DMD: variants seen among roughly 807,000 people sequenced by gnomAD.
The protein encoded by DMD is dystrophin.
A neutral mutation model predicts 330.1 loss-of-function variants in DMD; 63 were observed. That is an observed-to-expected ratio of 0.19 (90% confidence interval 0.16 to 0.24). The LOEUF (loss-of-function observed/expected upper bound fraction) is 0.24. DMD is among the 10% of genes least tolerant of loss of function. The pLI, the probability that DMD is intolerant of heterozygous loss-of-function variation, is 1.00. For missense variants in DMD, 3,344 were observed against 2,684.1 expected (o/e 1.25, Z -5.43); for synonymous variants, 1,223 against 959.8 (o/e 1.27, Z -5.07).
chrX:32,993,378 C>T (rs1162344722), intron 2 of DMD, among the ~76,000 whole-genome samples: 8 of 110,190 alleles, frequency 7.3e-5, no homozygotes, highest in African/African-American at 2.0e-4. Flanking sequence ...CTGAGGCGGG[C>T]GGACTGCCTG....
chrX:33,233,279 G>A (rs150614123), intron 1 of DMD, among the ~76,000 whole-genome samples: 1 of 111,029 alleles, frequency 9.0e-6, no homozygotes, highest in African/African-American at 3.3e-5. Flanking sequence ...AGTCCAAAAA[G>A]TGCACTCCTG....
intron 30 of DMD, among the ~76,000 whole-genome samples, chrX:32,404,794 T>C (rs762136081): frequency 1.8e-5 from 2 of 112,058 alleles, no homozygotes; most frequent in East Asian, 5.6e-4. Flanking sequence ...AAGAGCCATA[T>C]GCAAGTTAAT....
intron 62 of DMD, among the ~76,000 whole-genome samples, chrX:31,268,087 C>T (rs1767442187): frequency 8.9e-6 from 1 of 111,961 alleles, no homozygotes; most frequent in African/African-American, 3.3e-5. Flanking sequence ...ATGGGGGTCT[C>T]ACTGTGTTGC....
chrX:32,669,958 T>C (rs1288760257), intron 9 of DMD, among the ~76,000 whole-genome samples: 1 of 111,263 alleles, frequency 9.0e-6, no homozygotes, highest in Non-Finnish European at 1.9e-5. Flanking sequence ...AAACGAACAG[T>C]CACAAAATGA....
At chrX:32,758,607 A>G (rs755339221) in intron 7 of DMD, among the ~76,000 whole-genome samples, 5 of 111,636 alleles carry the variant, frequency 4.5e-5, no homozygotes, top group Admixed American at 9.6e-5. Context: ...CAAGCCCCTT[A>G]ACTGTCAGTG....
chrX:31,600,873 G>A (rs1043308898), intron 55 of DMD, among the ~76,000 whole-genome samples: 1 of 107,897 alleles, frequency 9.3e-6, no homozygotes, highest in Admixed American at 1.0e-4. Flanking sequence ...AGGTCTAGGA[G>A]AGGTGACAGC....
intron 43 of DMD, among the ~76,000 whole-genome samples, chrX:32,271,961 TTGAG>T (rs921538698): frequency 4.5e-5 from 5 of 111,406 alleles, no homozygotes; most frequent in African/African-American, 1.6e-4. Context: ...ATTACAGCTT[TTGAG>T]TGAGAAGCTT....
chrX:31,608,418 C>A (rs931149743), intron 55 of DMD, among the ~76,000 whole-genome samples: 5 of 111,252 alleles, frequency 4.5e-5, no homozygotes, highest in African/African-American at 1.6e-4. Context: ...CATCACTAGA[C>A]AAGGGAACAT....
At chrX:32,492,874 C>A (rs1030656717) in intron 19 of DMD, among the ~76,000 whole-genome samples, 2 of 111,725 alleles carry the variant, frequency 1.8e-5, no homozygotes, top group East Asian at 5.6e-4. Flanking sequence ...CTACAGAGAT[C>A]TCAAAAGAAC....
chrX:31,180,407 T>C lies in DMD; in HGVS notation c.10049A>G (p.His3350Arg), dbSNP rs1423991647. The C allele has an allele frequency of 8.3e-7, 1 of 1,210,723 alleles. No homozygotes were observed. The highest frequency in any genetic ancestry group is 1.1e-6 in the Non-Finnish European group (1 of 894,454). Residue 3350 changes from histidine to arginine, a missense_variant, in exon 69 of 79, where the codon CAT becomes CGT. His to Arg is a conservative substitution (Grantham distance 29). Coordinates refer to ENST00000357033, the MANE Select transcript of DMD (RefSeq NM_004006.3). The stretch of plus-strand genomic sequence containing the variant: ...TTCCACCATGGGATAGTGCATTTTA[T>C]GGCCTTTTGCAACTCGACCAGAAAA... The part of the protein sequence containing the change: ...CFFSGRVAKG[H>R]KMHYPMVEYC...
intron 63 of DMD, among the ~76,000 whole-genome samples, chrX:31,245,031 G>A (rs1378555991): frequency 9.0e-6 from 1 of 111,693 alleles, no homozygotes; most frequent in Non-Finnish European, 1.9e-5. Context: ...TGTGTTCAGT[G>A]TTTCCTTTCT....
intron 60 of DMD, among the ~76,000 whole-genome samples, chrX:31,367,384 A>G (rs766354772): frequency 5.7e-4 from 64 of 111,556 alleles, no homozygotes; most frequent in African/African-American, 2.0e-3. Flanking sequence ...GATATGCAAT[A>G]TAATTTTGAA....
At chrX:31,645,594 G>A (rs182787928) in intron 54 of DMD, among the ~76,000 whole-genome samples, 3 of 112,422 alleles carry the variant, frequency 2.7e-5, no homozygotes, top group South Asian at 3.7e-4. Context: ...GGTAACTCAC[G>A]GTGAGATGAT....
chrX:32,188,082 T>C (rs1280957695), intron 44 of DMD, among the ~76,000 whole-genome samples: 1 of 110,935 alleles, frequency 9.0e-6, no homozygotes, highest in Non-Finnish European at 1.9e-5. Context: ...ATCTATATTA[T>C]GTAGATGTGT....
At chrX:32,349,879 A>G (rs970665962) in intron 37 of DMD, among the ~76,000 whole-genome samples, 2 of 111,686 alleles carry the variant, frequency 1.8e-5, no homozygotes, top group Admixed American at 1.9e-4. Flanking sequence ...TGGTAGTGGT[A>G]CAAACATGCT....
intron 55 of DMD, among the ~76,000 whole-genome samples, chrX:31,522,264 C>A (rs2072833479): frequency 9.6e-6 from 1 of 104,415 alleles, no homozygotes; most frequent in Admixed American, 1.0e-4. Flanking sequence ...AGCTAAGTAA[C>A]TCCGGAGGGA....
chrX:31,581,946 A>G (rs758238083), intron 55 of DMD, among the ~76,000 whole-genome samples: 51 of 111,914 alleles, frequency 4.6e-4, no homozygotes, highest in Middle Eastern at 4.7e-3. Context: ...TAAGCACTGT[A>G]TCTTTACATA....
At chrX:32,291,017 T>TAGGTAACACACACGCAA (rs2097465454) in intron 42 of DMD, among the ~76,000 whole-genome samples, 1 of 111,478 alleles carries the variant, frequency 9.0e-6, no homozygotes, top group Admixed American at 9.6e-5. Flanking sequence ...TTAGAGCTAG[T>TAGGTAACACACACGCAA]AGGTAACACA....
At chrX:32,859,383 G>A (rs779470907) in intron 2 of DMD, among the ~76,000 whole-genome samples, 1 of 107,494 alleles carries the variant, frequency 9.3e-6, no homozygotes, top group East Asian at 3.0e-4. Flanking sequence ...CAGGAGAATC[G>A]CTAGAACTAG....
Sources: gnomAD v4.1 joint callset for allele counts (sites outside exome capture counted in the v4.1 genomes callset) on GRCh38, gnomAD v4.1.1 for gene constraint, MANE v1.5 for transcripts, NCBI Gene and HGNC (gene_info 2026-07-23, HGNC 2026-07-21) for gene names.